Variants in PRKG1 observed in about 807,000 individuals in gnomAD.
The protein encoded by PRKG1 is protein kinase cGMP-dependent 1, also known as cGMP-dependent protein kinase 1.
In PRKG1, 35 loss-of-function variants were observed where a neutral mutation model predicts 88.1. The ratio of observed to expected loss-of-function variants is 0.40; its 90% CI spans 0.30 to 0.53. The LOEUF (loss-of-function observed/expected upper bound fraction) is 0.53, where lower values mean the gene tolerates loss of function less well. Among genes scored for constraint, PRKG1 ranks in the 20% least tolerant of loss-of-function variants. The pLI, the probability that PRKG1 is intolerant of heterozygous loss-of-function variation, is 0.59. For missense variants in PRKG1, 540 were observed against 839.8 expected (o/e 0.64, Z 4.41); for synonymous variants, 303 against 292.5 (o/e 1.04, Z -0.37).
At chr10:52,036,415 A>T (rs1354920023) in intron 5 of PRKG1, among the ~76,000 whole-genome samples, 1 of 150,482 alleles carries the variant, frequency 6.6e-6, no homozygotes, top group Non-Finnish European at 1.5e-5. Context: ...AAATGGGGGA[A>T]TTGTAAGGAG....
At chr10:51,710,956 G>A (rs777189235) in intron 3 of PRKG1, among the ~76,000 whole-genome samples, 8 of 152,100 alleles carry the variant, frequency 5.3e-5, no homozygotes, top group African/African-American at 1.7e-4. Context: ...TCGGCCTCCC[G>A]AAGGTGCTGT....
chr10:52,076,281 G>A (rs992428643), intron 7 of PRKG1, among the ~76,000 whole-genome samples: 5 of 152,202 alleles, frequency 3.3e-5, no homozygotes, highest in African/African-American at 1.2e-4. Flanking sequence ...AAGGGGCCGG[G>A]CCCAGTGGCT....
chr10:51,715,753 C>T (rs138930452), intron 3 of PRKG1, among the ~76,000 whole-genome samples: 107 of 152,212 alleles, frequency 7.0e-4, no homozygotes, highest in African/African-American at 1.9e-3. Context: ...ATGATGTAAA[C>T]GGCCCTGATA....
intron 1 of PRKG1, among the ~76,000 whole-genome samples, chr10:51,151,548 A>G (rs964926488): frequency 1.4e-5 from 2 of 143,086 alleles, no homozygotes; most frequent in Admixed American, 7.1e-5. Flanking sequence ...ATGTCTCTTC[A>G]AAACCTATGT....
intron 5 of PRKG1, among the ~76,000 whole-genome samples, chr10:51,982,155 T>C (rs1180718216): frequency 6.6e-6 from 1 of 152,268 alleles, no homozygotes; most frequent in African/African-American, 2.4e-5. Flanking sequence ...TGTTTTCAGC[T>C]CTATCAGGTT....
At chr10:51,976,459 T>C (rs561392768) in intron 5 of PRKG1, among the ~76,000 whole-genome samples, 23 of 151,984 alleles carry the variant, frequency 1.5e-4, no homozygotes, top group African/African-American at 3.6e-4. Context: ...ACAAACTGGA[T>C]AAACCTTAAA....
chr10:51,950,466 C>T (rs1843155658), intron 5 of PRKG1, among the ~76,000 whole-genome samples: 1 of 152,200 alleles, frequency 6.6e-6, no homozygotes, highest in South Asian at 2.1e-4. Context: ...GCCACTTTGC[C>T]AGACTCGCAG....
chr10:52,160,453 G>A (rs1333887288), intron 8 of PRKG1, among the ~76,000 whole-genome samples: 2 of 151,542 alleles, frequency 1.3e-5, no homozygotes, highest in African/African-American at 2.4e-5. Context: ...TTGATTCCCC[G>A]TGTCTCTGTC....
At chr10:51,073,961 T>C (rs959865736), upstream of PRKG1, among the ~76,000 whole-genome samples, 3 of 152,154 alleles carry the variant, frequency 2.0e-5, no homozygotes, top group African/African-American at 7.2e-5. Context: ...AGAGCTTTGA[T>C]GATGCAGAGT....
intron 3 of PRKG1, among the ~76,000 whole-genome samples, chr10:51,709,219 T>G (rs891524137): frequency 1.3e-5 from 2 of 152,242 alleles, no homozygotes; most frequent in Non-Finnish European, 2.9e-5. Flanking sequence ...ATTCACAGTT[T>G]TTAGAAAGTT....
intron 7 of PRKG1, among the ~76,000 whole-genome samples, chr10:52,097,598 T>C (rs1021812059): frequency 6.6e-6 from 1 of 152,130 alleles, no homozygotes; most frequent in African/African-American, 2.4e-5. Context: ...ACTTTACTCA[T>C]GGTATTTAAT....
chr10:51,707,096 T>C (rs1418712445), intron 3 of PRKG1, among the ~76,000 whole-genome samples: 1 of 152,138 alleles, frequency 6.6e-6, no homozygotes, highest in Admixed American at 6.5e-5. Context: ...ATTTTAGCCT[T>C]TGGTAGATTT....
At chr10:51,994,443 T>C (rs185490587) in intron 5 of PRKG1, among the ~76,000 whole-genome samples, 2 of 152,254 alleles carry the variant, frequency 1.3e-5, no homozygotes, top group East Asian at 3.9e-4. Context: ...AAGTAGATAA[T>C]ATTATCCTTA....
intron 1 of PRKG1, among the ~76,000 whole-genome samples, chr10:51,149,698 T>C (rs1846019488): frequency 6.6e-6 from 1 of 152,172 alleles, no homozygotes; most frequent in South Asian, 2.1e-4. Flanking sequence ...AAAAATACTC[T>C]ATATCCAGTA....
intron 3 of PRKG1, among the ~76,000 whole-genome samples, chr10:51,782,205 G>C (rs1015813350): frequency 1.3e-5 from 2 of 152,016 alleles, no homozygotes; most frequent in African/African-American, 4.8e-5. Flanking sequence ...CAACTTACAA[G>C]GGTTCAACTT....
chr10:52,030,097 A>G (rs1366211964), intron 5 of PRKG1, among the ~76,000 whole-genome samples: 1 of 152,192 alleles, frequency 6.6e-6, no homozygotes, highest in Non-Finnish European at 1.5e-5. Flanking sequence ...GCCCATGGGT[A>G]AAGTCAAAGA....
chr10:51,930,950 A>G (rs1454770962), intron 5 of PRKG1, among the ~76,000 whole-genome samples: 1 of 152,186 alleles, frequency 6.6e-6, no homozygotes, highest in African/African-American at 2.4e-5. Context: ...TAGACTCTGT[A>G]AGAATTGACA....
At chr10:51,917,772 A>G (rs143738063) in intron 5 of PRKG1, among the ~76,000 whole-genome samples, 9 of 152,204 alleles carry the variant, frequency 5.9e-5, no homozygotes, top group Admixed American at 5.2e-4. Flanking sequence ...AATTCTCAAC[A>G]AAGATCTTCC....
chr10:51,269,721 T>C (rs1839927718), intron 2 of PRKG1, among the ~76,000 whole-genome samples: 1 of 152,036 alleles, frequency 6.6e-6, no homozygotes, highest in African/African-American at 2.4e-5. Context: ...GGCGGAAGTG[T>C]TGGAGGGGGA....
Sources: allele counts gnomAD v4.1 joint callset (sites outside exome capture counted in the v4.1 genomes callset), GRCh38; gene constraint gnomAD v4.1.1; transcripts MANE v1.5; gene names NCBI Gene and HGNC (gene_info 2026-07-23, HGNC 2026-07-21).